The following TBC1D5 variants were observed in gnomAD, a reference collection of about 807,000 sequenced individuals.
TBC1D5 encodes TBC1 domain family, member 5.
Under a neutral mutation model 100.3 loss-of-function variants are expected in TBC1D5, and 75 were observed. The ratio of observed to expected loss-of-function variants is 0.75; its 90% CI spans 0.62 to 0.91. The LOEUF is 0.91. TBC1D5 is among the 40% of genes least tolerant of loss of function. The pLI is 0.00. For synonymous variants in TBC1D5, 323 were observed against 325.6 expected (o/e 0.99, Z 0.09); for missense variants, 910 against 942.4 (o/e 0.97, Z 0.45).
chr3:17,260,951 ATGGCACATCTCAATT>A (rs1164335861), intron 15 of TBC1D5, among the ~76,000 whole-genome samples: 3 of 152,194 alleles, frequency 2.0e-5, no homozygotes, highest in Non-Finnish European at 4.4e-5. Context: ...TTTTATACTT[ATGGCACATCTCAATT>A]TGGACTAGCC....
chr3:17,339,963 G>C (rs955318796), intron 13 of TBC1D5, among the ~76,000 whole-genome samples: 2 of 152,120 alleles, frequency 1.3e-5, no homozygotes, highest in Admixed American at 6.5e-5. Context: ...GTATATGTTT[G>C]CTTAATTAAT....
rs1467382889 is a variant in TBC1D5, at chr3:17,572,881, TATCTCTACCTATA to T, written c.-36+50955_-36+50967del. On this transcript the variant is annotated intron_variant, in intron 2 of 21. Transcript: ENST00000253692. ...GTCAATTTATCCAAGGACTTCTCCT[TATCTCTACCTATA>T]ATCCCTGGGCAACCTTAGATACCCA... is the stretch of plus-strand genomic sequence containing the variant. Among the ~76,000 whole-genome samples, 5 of 152,088 alleles carry T rather than the reference TATCTCTACCTATA, an allele frequency of 3.3e-5. No homozygotes were observed. In the East Asian group the frequency reaches 5.8e-4, roughly 18 times the overall value.
At chr3:17,664,614 G>A (rs912359443) in intron 1 of TBC1D5, among the ~76,000 whole-genome samples, 1 of 152,166 alleles carries the variant, frequency 6.6e-6, no homozygotes, top group African/African-American at 2.4e-5. Flanking sequence ...GCGAGACGAA[G>A]AGGACAATTT....
chr3:17,535,278 C>A (rs990250795), intron 2 of TBC1D5, among the ~76,000 whole-genome samples: 2 of 152,172 alleles, frequency 1.3e-5, no homozygotes, highest in African/African-American at 4.8e-5. Flanking sequence ...TATCTCCCAA[C>A]AGGTTTATTC....
intron 2 of TBC1D5, among the ~76,000 whole-genome samples, chr3:17,547,419 T>A (rs966681592): frequency 1.3e-5 from 2 of 152,288 alleles, no homozygotes; most frequent in South Asian, 2.1e-4. Context: ...TTCATCATCA[T>A]ATACTTATAA....
intron 13 of TBC1D5, among the ~76,000 whole-genome samples, chr3:17,351,183 C>T (rs1443369354): frequency 6.6e-6 from 1 of 152,108 alleles, no homozygotes; most frequent in Non-Finnish European, 1.5e-5. Context: ...CTTGGTTTCA[C>T]AAACTGGTTG....
At chr3:17,234,217 G>T (rs1342784193) in intron 17 of TBC1D5, among the ~76,000 whole-genome samples, 2 of 152,018 alleles carry the variant, frequency 1.3e-5, no homozygotes, top group Non-Finnish European at 2.9e-5. Context: ...TCCTCAATAA[G>T]TTCTAATTTC....
chr3:17,671,812 C>T (rs2067977944), intron 1 of TBC1D5, among the ~76,000 whole-genome samples: 1 of 152,188 alleles, frequency 6.6e-6, no homozygotes, highest in African/African-American at 2.4e-5. Flanking sequence ...ATTAAATCAG[C>T]ATCTATGATT....
intron 19 of TBC1D5, 161 bp downstream of exon 20, chr3:17,184,948 G>T: frequency 2.1e-6 from 1 of 484,466 alleles, no homozygotes. Flanking sequence ...TCTATATAAT[G>T]TAGAGAGTGA....
chr3:17,239,390 A>T (rs749102643), intron 16 of TBC1D5, among the ~76,000 whole-genome samples: 1 of 152,110 alleles, frequency 6.6e-6, no homozygotes, highest in African/African-American at 2.4e-5. Context: ...TTCCATTAGC[A>T]TACAACCATG....
At chr3:17,359,867 AACGGAGACCC>A (rs1384864363) in intron 13 of TBC1D5, among the ~76,000 whole-genome samples, 7 of 151,994 alleles carry the variant, frequency 4.6e-5, no homozygotes, top group African/African-American at 1.7e-4. Context: ...AGAATGGAAA[AACGGAGACCC>A]ATGAAATAAA....
intron 9 of TBC1D5, 71 bp downstream of exon 9, chr3:17,383,841 TG>T: frequency 8.6e-7 from 1 of 1,167,778 alleles, no homozygotes. Flanking sequence ...GCTACATTAT[TG>T]CTCTATCATT....
chr3:17,542,430 C>T (rs2096368103), intron 2 of TBC1D5, among the ~76,000 whole-genome samples: 1 of 152,178 alleles, frequency 6.6e-6, no homozygotes. Flanking sequence ...GTTGTCCAGG[C>T]TGGTCTCAAA....
At position 17,370,319 on chromosome 3, in the gene TBC1D5, C is replaced by A. The variant is rs147861593; in HGVS notation, c.995+1756G>T. 3.5e-3 allele frequency among the ~76,000 whole-genome samples: 526 copies of A among 152,262 alleles called. 4 individuals carry two copies. The highest frequency in any genetic ancestry group is 0.012 in the African/African-American group (498 of 41,564). Reference sequence around the variant, plus strand: ...CAATATTTAAAACCAATTTCTGGATCTTAGCAAGCAATTTTTGAGGGTGTA... The same window carrying A: ...CAATATTTAAAACCAATTTCTGGATATTAGCAAGCAATTTTTGAGGGTGTA... On this transcript the variant is annotated intron_variant, in intron 13 of 21. Coordinates refer to ENST00000253692, the Ensembl canonical transcript of TBC1D5.
chr3:17,451,306 A>G (rs1268950184), intron 3 of TBC1D5, among the ~76,000 whole-genome samples: 1 of 152,238 alleles, frequency 6.6e-6, no homozygotes, highest in African/African-American at 2.4e-5. Context: ...CAACACTATG[A>G]AGAAACTGCA....
chr3:17,698,920 T>C (rs1398128045), intron 1 of TBC1D5, among the ~76,000 whole-genome samples: 3 of 137,916 alleles, frequency 2.2e-5, no homozygotes, highest in Admixed American at 7.5e-5. Flanking sequence ...TGTGGAGAAA[T>C]AGGAACACTT....
At chr3:17,264,990 C>G (rs1416495999) in intron 15 of TBC1D5, among the ~76,000 whole-genome samples, 1 of 152,080 alleles carries the variant, frequency 6.6e-6, no homozygotes, top group Non-Finnish European at 1.5e-5. Flanking sequence ...TTTTGACAGG[C>G]ATTATATTTT....
exon 3 of TBC1D5, chr3:17,508,593 C>T: frequency 6.5e-7 from 1 of 1,539,784 alleles, no homozygotes. Context: ...ACAGCGTCAC[C>T]AAAAGTAACT....
intron 3 of TBC1D5, among the ~76,000 whole-genome samples, chr3:17,451,299 C>T (rs2094922159): frequency 6.6e-6 from 1 of 152,150 alleles, no homozygotes; most frequent in Non-Finnish European, 1.5e-5. Flanking sequence ...AGACCATCAA[C>T]ACTATGAAGA....
Sources: gnomAD v4.1 joint callset for allele counts (sites outside exome capture counted in the v4.1 genomes callset) on GRCh38, gnomAD v4.1.1 for gene constraint, MANE v1.5 for transcripts, NCBI Gene and HGNC (gene_info 2026-07-23, HGNC 2026-07-21) for gene names.